The following WDR20 variants were observed in gnomAD, a reference collection of about 807,000 sequenced individuals.
WDR20 encodes WD repeat-containing protein 20.
WDR20 carries 3 observed loss-of-function variants against 38.7 expected under a neutral mutation model. That is an observed-to-expected ratio of 0.08 (90% CI 0.04 to 0.20). The LOEUF is 0.20. Among genes scored for constraint, WDR20 ranks in the 10% least tolerant of loss-of-function variants. The pLI, the probability that WDR20 is intolerant of heterozygous loss-of-function variation, is 1.00. For synonymous variants in WDR20, 298 were observed against 285.6 expected, an observed-to-expected ratio of 1.04 and a Z score of -0.44; for missense variants, 559 against 727.7, an observed-to-expected ratio of 0.77 and a Z score of 2.67.
intron 1 of WDR20, chr14:102,167,469 C>T (rs1239941033): frequency 6.6e-6 from 1 of 152,260 alleles, no homozygotes; most frequent in Non-Finnish European, 1.5e-5. Flanking sequence ...TGTCCTCCTG[C>T]CTTGGCCTCC....
At position 102,184,283 on chromosome 14, in the gene WDR20, C is replaced by T. The variant is rs545315845; in HGVS notation, c.250-10655C>T. Among the ~76,000 whole-genome samples the T allele has an allele frequency of 5.8e-4, 88 of 152,308 alleles. 1 individual carries two copies. The highest frequency in any genetic ancestry group is 3.4e-3 in the Middle Eastern group (1 of 294). ...CTTGCCTTGCGATAGGAGATCTAACCTTCCGTGGAGTACAGCATCAGAGAA... is the reference window on the plus strand; with the variant it reads ...CTTGCCTTGCGATAGGAGATCTAACTTTCCGTGGAGTACAGCATCAGAGAA... On this transcript the variant is annotated intron_variant, in intron 1 of 2. Coordinates refer to ENST00000342702, the MANE Select transcript of WDR20 (RefSeq NM_144574.4).
At chr14:102,182,982 T>C (rs2063719774) in intron 1 of WDR20, among the ~76,000 whole-genome samples, 1 of 151,756 alleles carries the variant, frequency 6.6e-6, no homozygotes, top group African/African-American at 2.4e-5. Flanking sequence ...GGTAATCACA[T>C]GAACCCAGGA....
intron 1 of WDR20, among the ~76,000 whole-genome samples, chr14:102,166,358 T>C (rs1254920981): frequency 6.6e-6 from 1 of 152,226 alleles, no homozygotes; most frequent in East Asian, 1.9e-4. Flanking sequence ...TTGGTGAGTC[T>C]TTCTTTGTAA....
In WDR20 at chr14:102,154,296, A is replaced by G. The variant is rs184491592; in HGVS notation, c.249+14124A>G. Among the ~76,000 whole-genome samples, 497 of 152,344 alleles carry G rather than the reference A, an allele frequency of 3.3e-3. 4 individuals carry two copies. Among genetic ancestry groups the G allele is most frequent in the African/African-American group, 0.012 (481 of 41,580 alleles). ...ATTTCTCACAGTTCTGGAGTCTGGGAAGTCAAGATGAAGGTGTTGGCGGAT... is the reference window on the plus strand; with the variant it reads ...ATTTCTCACAGTTCTGGAGTCTGGGGAGTCAAGATGAAGGTGTTGGCGGAT... On this transcript the variant is annotated intron_variant, in intron 1 of 2. Transcript: ENST00000342702.
intron 1 of WDR20, among the ~76,000 whole-genome samples, chr14:102,146,061 G>A (rs1041882347): frequency 5.3e-5 from 8 of 150,398 alleles, no homozygotes; most frequent in African/African-American, 2.0e-4. Context: ...TTGATTCATT[G>A]CCTACTTGAT....
downstream of WDR20, chr14:102,212,486 C>G: frequency 6.5e-7 from 1 of 1,535,060 alleles, no homozygotes; most frequent in Non-Finnish European, 8.7e-7. Flanking sequence ...TGTGTCCACT[C>G]TGCCCCTCTG....
At chr14:102,159,027 T>C (rs907338116) in intron 1 of WDR20, among the ~76,000 whole-genome samples, 7 of 151,852 alleles carry the variant, frequency 4.6e-5, no homozygotes, top group Admixed American at 4.6e-4. Flanking sequence ...ACCGCAACCT[T>C]TAACTCCTGG....
chr14:102,192,947 A>G (rs919400101), intron 1 of WDR20, among the ~76,000 whole-genome samples: 19 of 151,994 alleles, frequency 1.3e-4, no homozygotes, highest in Admixed American at 8.5e-4. Context: ...AACTGGGACT[A>G]CAGGCATGCA....
At chr14:102,203,630 T>C (rs2060929153) in intron 2 of WDR20, among the ~76,000 whole-genome samples, 1 of 152,118 alleles carries the variant, frequency 6.6e-6, no homozygotes, top group Non-Finnish European at 1.5e-5. Flanking sequence ...CTGTGTTGGC[T>C]GGGCTTTTCC....
upstream of WDR20, chr14:102,139,799 G>A (rs1007483945): frequency 2.8e-6 from 4 of 1,430,576 alleles, no homozygotes; most frequent in Non-Finnish European, 1.9e-6. Context: ...TCGCAGGGCT[G>A]GCCCGCGGGT....
chr14:102,149,218 A>T (rs771817207), intron 1 of WDR20, among the ~76,000 whole-genome samples: 12 of 152,050 alleles, frequency 7.9e-5, no homozygotes, highest in Non-Finnish European at 1.6e-4. Flanking sequence ...TTTTGTAGAG[A>T]CTGGGTCTTG....
chr14:102,159,222 A>T (rs1566846342), intron 1 of WDR20, among the ~76,000 whole-genome samples: 1 of 152,002 alleles, frequency 6.6e-6, no homozygotes, highest in Non-Finnish European at 1.5e-5. Context: ...GATGACAGGC[A>T]TGAGCCACCG....
At chr14:102,150,923 T>C (rs2152720002) in intron 1 of WDR20, among the ~76,000 whole-genome samples, 1 of 152,310 alleles carries the variant, frequency 6.6e-6, no homozygotes, top group South Asian at 2.1e-4. Context: ...CAAGGGCTTA[T>C]TCATTCAACT....
chr14:102,201,891 G>T (rs1045506437), intron 2 of WDR20, among the ~76,000 whole-genome samples: 3 of 152,052 alleles, frequency 2.0e-5, no homozygotes, highest in Non-Finnish European at 4.4e-5. Flanking sequence ...CCGCCTCCTC[G>T]CTGAGCACCT....
intron 1 of WDR20, among the ~76,000 whole-genome samples, chr14:102,160,947 CA>C (rs57488628): frequency 0.015 from 830 of 54,634 alleles, 8 homozygotes; most frequent in African/African-American, 0.056. Flanking sequence ...GACTCTGTCT[CA>C]AAAAAAAAAA....
chr14:102,200,050 G>A (rs2060037035), intron 2 of WDR20, among the ~76,000 whole-genome samples: 1 of 152,228 alleles, frequency 6.6e-6, no homozygotes, highest in African/African-American at 2.4e-5. Flanking sequence ...GATCAGGTCA[G>A]CCCAGTGAGC....
At chr14:102,224,065 G>A (rs570153043), downstream of WDR20, among the ~76,000 whole-genome samples, 2,920 of 128,622 alleles carry the variant, frequency 0.023, 80 homozygotes, top group African/African-American at 0.067. Flanking sequence ...TTTTTGAGAT[G>A]GAGTCTCCCT....
At chr14:102,169,136 C>T (rs1466916702) in intron 1 of WDR20, among the ~76,000 whole-genome samples, 1 of 152,146 alleles carries the variant, frequency 6.6e-6, no homozygotes, top group Non-Finnish European at 1.5e-5. Context: ...TGCACCCCTC[C>T]CCGTCCCACC....
chr14:102,161,142 A>ATATATATATATATATATATTTT, intron 1 of WDR20, among the ~76,000 whole-genome samples: 2 of 16,050 alleles, frequency 1.2e-4, no homozygotes, highest in African/African-American at 6.4e-4. Context: ...ATATATATAT[A>ATATATATATATATATATATTTT]TTTTTTTTTT....
Sources: allele counts gnomAD v4.1 joint callset (sites outside exome capture counted in the v4.1 genomes callset), GRCh38; gene constraint gnomAD v4.1.1; transcripts MANE v1.5; gene names NCBI Gene and HGNC (gene_info 2026-07-23, HGNC 2026-07-21).